Variants in WIF1 observed in about 807,000 individuals in gnomAD.
WIF1 encodes the protein Wnt inhibitory factor 1.
Under a neutral mutation model 53.5 loss-of-function variants are expected in WIF1, and 35 were observed. The observed-to-expected ratio is 0.65, with a 90% confidence interval of 0.50 to 0.87. WIF1 has a LOEUF of 0.87. Ranked by LOEUF, WIF1 falls within the 40% of genes least tolerant of loss-of-function variation. The probability of loss-of-function intolerance (pLI) is 0.00; values close to 1 mark genes in which losing one functional copy is unlikely to be tolerated. For synonymous variants in WIF1, 171 were observed against 170.4 expected, an observed-to-expected ratio of 1.00 and a Z score of -0.03; for missense variants, 467 against 476.8, an observed-to-expected ratio of 0.98 and a Z score of 0.19.
At chr12:65,111,078 G>C (rs1478937359) in intron 2 of WIF1, among the ~76,000 whole-genome samples, 5 of 152,176 alleles carry the variant, frequency 3.3e-5, no homozygotes, top group Admixed American at 2.0e-4. Flanking sequence ...TGGGGTCAGG[G>C]GATAGGATAG....
chr12:65,069,496 T>C (rs1040675987), intron 3 of WIF1, among the ~76,000 whole-genome samples: 8 of 152,218 alleles, frequency 5.3e-5, no homozygotes, highest in Non-Finnish European at 7.3e-5. Context: ...GTTCAGTCAT[T>C]GGACCGAGTT....
chr12:65,064,950 A>G (rs943179080), intron 6 of WIF1, among the ~76,000 whole-genome samples: 2 of 152,180 alleles, frequency 1.3e-5, no homozygotes, highest in African/African-American at 4.8e-5. Flanking sequence ...TTTTGAGGCA[A>G]TAAGAGTTTA....
chr12:65,091,771 A>G (rs1230312038), intron 2 of WIF1, among the ~76,000 whole-genome samples: 1 of 152,186 alleles, frequency 6.6e-6, no homozygotes, highest in Non-Finnish European at 1.5e-5. Context: ...AAATTGAGAT[A>G]CACACAGAAG....
intron 6 of WIF1, among the ~76,000 whole-genome samples, chr12:65,062,945 G>C (rs1882635814): frequency 6.6e-6 from 1 of 152,068 alleles, no homozygotes; most frequent in South Asian, 2.1e-4. Context: ...GAGGATAAGA[G>C]AAGAGTAAAA....
At position 65,083,658 on chromosome 12, in the gene WIF1, A is replaced by G. The variant is rs142051004; in HGVS notation, c.289-5804T>C. 536 of 271,850 alleles carry G rather than the reference A, an allele frequency of 2.0e-3. 3 individuals are homozygous for G. The highest frequency in any genetic ancestry group is 0.012 in the African/African-American group (517 of 43,450). 16.8% of individuals were successfully genotyped at this position (271,850 alleles called of 1,614,324 possible). A position where few individuals can be genotyped will look rare whatever the true frequency, so the allele number is the denominator to read the frequency against. Reference sequence around the variant, plus strand: ...TTCCAAAGCACAGACTCTTCTTGCCATCTGCGTCATGCCCATGCTCATGTG... The same window carrying G: ...TTCCAAAGCACAGACTCTTCTTGCCGTCTGCGTCATGCCCATGCTCATGTG... On this transcript the variant is annotated intron_variant, in intron 2 of 9. Coordinates refer to ENST00000286574, the MANE Select transcript of WIF1 (RefSeq NM_007191.5).
Position 65,051,388 on chromosome 12 carries a change from CT to C in WIF1, c.1100del (p.Glu367GlyfsTer31), listed in dbSNP as rs780520339. The C allele has an allele frequency of 6.2e-7, 1 of 1,613,916 alleles. No homozygotes were observed. Among genetic ancestry groups the C allele is most frequent in the East Asian group, 2.2e-5 (1 of 44,870 alleles). ...TGGATTCAGGTGGATCCCGCCGCTC[CT>C]CGGCCTTTTTAAGTGAAGGCGTGTG... Reference protein sequence around the residue: ...RQHTPSLKKAEERRDPPESNY... With the variant: ...RQHTPSLKKAXERRDPPESNY... On this transcript the variant is annotated frameshift_variant, in exon 10 of 10. Transcript: ENST00000286574. LOFTEE classifies it high-confidence loss of function.
intron 8 of WIF1, 115 bp from the exon 9 acceptor site, chr12:65,055,328 A>C: frequency 8.5e-7 from 1 of 1,174,144 alleles, no homozygotes; most frequent in Non-Finnish European, 1.2e-6. Flanking sequence ...TCATCCTCTA[A>C]TTTTTTTTCC....
intron 2 of WIF1, among the ~76,000 whole-genome samples, chr12:65,086,890 T>G (rs956178545): frequency 3.3e-5 from 5 of 152,124 alleles, no homozygotes; most frequent in Non-Finnish European, 5.9e-5. Context: ...ACACCTGTAA[T>G]CCCAGCACTT....
intron 6 of WIF1, among the ~76,000 whole-genome samples, chr12:65,064,126 G>A (rs574083648): frequency 6.6e-6 from 1 of 152,332 alleles, no homozygotes; most frequent in Admixed American, 6.5e-5. Context: ...GATGAGATCA[G>A]TGCCCTGGAA....
chr12:65,057,207 C>T (rs76933025), intron 7 of WIF1, among the ~76,000 whole-genome samples: 3 of 152,076 alleles, frequency 2.0e-5, no homozygotes, highest in Admixed American at 6.5e-5. Flanking sequence ...GGCTGGTGTG[C>T]AAGGCTGGCC....
chr12:65,053,978 A>G (rs1184431570), intron 9 of WIF1: 1 of 151,760 alleles, frequency 6.6e-6, no homozygotes, highest in Admixed American at 6.6e-5. Context: ...CTACTGATCT[A>G]GGAAAACATC....
chr12:65,119,169 A>C (rs1883558265), intron 2 of WIF1, among the ~76,000 whole-genome samples: 1 of 152,192 alleles, frequency 6.6e-6, no homozygotes, highest in African/African-American at 2.4e-5. Flanking sequence ...AATATTCCCA[A>C]CTTAATTGTT....
intron 2 of WIF1, among the ~76,000 whole-genome samples, chr12:65,089,130 T>A (rs998176392): frequency 2.6e-5 from 4 of 152,190 alleles, no homozygotes; most frequent in African/African-American, 4.8e-5. Context: ...TATTGACAAC[T>A]GTCAACTAGA....
chr12:65,102,454 C>T (rs774382017), intron 2 of WIF1, among the ~76,000 whole-genome samples: 6 of 152,144 alleles, frequency 3.9e-5, no homozygotes, highest in Non-Finnish European at 7.4e-5. Context: ...TTTTGTTCTA[C>T]TCAGGCCTTC....
intron 2 of WIF1, among the ~76,000 whole-genome samples, chr12:65,107,118 AC>A (rs1883363190): frequency 6.6e-6 from 1 of 152,258 alleles, no homozygotes; most frequent in African/African-American, 2.4e-5. Flanking sequence ...GCTTAAAAAA[AC>A]AATGTTGAGA....
chr12:65,055,227 A>G lies in WIF1; in HGVS notation c.923-14T>C. ...GCTCGCAGACAGCTAGAATCAAAAGAAATAAAAAGAGTATTTCCTGAGCTT... is the reference window on the plus strand; with the variant it reads ...GCTCGCAGACAGCTAGAATCAAAAGGAATAAAAAGAGTATTTCCTGAGCTT... On this transcript the variant is annotated splice_polypyrimidine_tract_variant and intron_variant, in intron 8 of 9. Coordinates refer to ENST00000286574, the MANE Select transcript of WIF1 (RefSeq NM_007191.5). 6.2e-7 allele frequency: 1 copy of G among 1,609,906 alleles called. No homozygotes were observed. The highest frequency in any genetic ancestry group is 8.5e-7 in the Non-Finnish European group (1 of 1,178,908).
intron 1 of WIF1, 22 bp from the exon 2 acceptor site, chr12:65,120,578 C>T: frequency 1.3e-6 from 2 of 1,598,644 alleles, no homozygotes; most frequent in Non-Finnish European, 1.7e-6. Flanking sequence ...AATAATAAAA[C>T]GATCAAACCA....
At chr12:65,114,734 C>T (rs1325952939) in intron 2 of WIF1, among the ~76,000 whole-genome samples, 3 of 152,106 alleles carry the variant, frequency 2.0e-5, no homozygotes, top group African/African-American at 7.2e-5. Flanking sequence ...AAACACATTC[C>T]TACAGTTTAA....
At chr12:65,058,052 A>G (rs1345342947) in intron 7 of WIF1, among the ~76,000 whole-genome samples, 3 of 151,406 alleles carry the variant, frequency 2.0e-5, no homozygotes, top group African/African-American at 7.3e-5. Flanking sequence ...AACAAACTTA[A>G]TAACAGAATA....
Sources: allele counts gnomAD v4.1 joint callset (sites outside exome capture counted in the v4.1 genomes callset), GRCh38; gene constraint gnomAD v4.1.1; transcripts MANE v1.5; gene names NCBI Gene and HGNC (gene_info 2026-07-23, HGNC 2026-07-21).